The following MYO1E variants were observed in gnomAD, a reference collection of about 807,000 sequenced individuals.
The protein encoded by MYO1E is unconventional myosin-Ie.
MYO1E carries 68 observed loss-of-function variants against 151.1 expected under a neutral mutation model. The ratio of observed to expected loss-of-function variants is 0.45; its 90% CI spans 0.37 to 0.55. MYO1E has a LOEUF of 0.55. Ranked by LOEUF, MYO1E falls within the 20% of genes least tolerant of loss-of-function variation. MYO1E has a pLI of 0.00. For missense variants in MYO1E, 1,363 were observed against 1,389.3 expected (o/e 0.98, Z 0.30); for synonymous variants, 601 against 501.7 (o/e 1.20, Z -2.64).
chr15:59,144,856 G>GT (rs1181792923), intron 26 of MYO1E, among the ~76,000 whole-genome samples: 1 of 151,806 alleles, frequency 6.6e-6, no homozygotes, highest in Non-Finnish European at 1.5e-5. Flanking sequence ...TTTTTGTTTT[G>GT]TTTTGAGACG....
intron 26 of MYO1E, among the ~76,000 whole-genome samples, chr15:59,141,186 C>T (rs911887063): frequency 6.6e-6 from 1 of 152,096 alleles, no homozygotes; most frequent in Non-Finnish European, 1.5e-5. Flanking sequence ...AGGGAGGAAG[C>T]CTCCAGCCTG....
At chr15:59,173,125 G>T (rs1418928719) in intron 21 of MYO1E, among the ~76,000 whole-genome samples, 1 of 152,220 alleles carries the variant, frequency 6.6e-6, no homozygotes, top group East Asian at 1.9e-4. Flanking sequence ...GGCTGGAAAA[G>T]CCTTACTTAT....
intron 1 of MYO1E, among the ~76,000 whole-genome samples, chr15:59,354,647 TC>T (rs2080843867): frequency 6.6e-6 from 1 of 152,114 alleles, no homozygotes; most frequent in Admixed American, 6.5e-5. Flanking sequence ...TTGCAATGGC[TC>T]TTTGTTCGGA....
At chr15:59,194,102 A>G (rs2079750934) in intron 17 of MYO1E, among the ~76,000 whole-genome samples, 2 of 151,984 alleles carry the variant, frequency 1.3e-5, no homozygotes, top group African/African-American at 4.8e-5. Context: ...GGAAACCGGG[A>G]GGCAGAGGTT....
chr15:59,265,653 TA>T (rs1566996213), intron 2 of MYO1E, among the ~76,000 whole-genome samples: 2 of 152,056 alleles, frequency 1.3e-5, no homozygotes, highest in South Asian at 2.1e-4. Flanking sequence ...GGAAGACACC[TA>T]AAAAATAAAG....
intron 1 of MYO1E, among the ~76,000 whole-genome samples, chr15:59,288,165 A>G (rs775350351): frequency 7.9e-5 from 12 of 152,114 alleles, no homozygotes; most frequent in Non-Finnish European, 1.5e-4. Flanking sequence ...TACTTTTTTT[A>G]AATTAATCTT....
intron 14 of MYO1E, chr15:59,207,952 C>G: frequency 6.2e-7 from 1 of 1,613,970 alleles, no homozygotes; most frequent in South Asian, 1.1e-5. Flanking sequence ...AGAAGTATTC[C>G]TCAGTATTCC....
chr15:59,365,494 A>G (rs2080907891), intron 1 of MYO1E, among the ~76,000 whole-genome samples: 1 of 152,164 alleles, frequency 6.6e-6, no homozygotes, highest in Non-Finnish European at 1.5e-5. Context: ...ATAAGGTTAG[A>G]TCTGCACTGG....
At chr15:59,341,485 T>C (rs1253828712) in intron 1 of MYO1E, 2 of 152,192 alleles carry the variant, frequency 1.3e-5, no homozygotes, top group Non-Finnish European at 2.9e-5. Context: ...CCATAACCCC[T>C]GTCTCCCCAG....
chr15:59,191,332 C>CAGAGAGAG (rs34694267), intron 17 of MYO1E, among the ~76,000 whole-genome samples: 1,439 of 105,690 alleles, frequency 0.014, 43 homozygotes, highest in African/African-American at 0.045. Context: ...CAGACAGAGA[C>CAGAGAGAG]AGAGAGAGAG....
chr15:59,141,163 A>C (rs1295746030), intron 26 of MYO1E, among the ~76,000 whole-genome samples: 1 of 152,150 alleles, frequency 6.6e-6, no homozygotes, highest in Admixed American at 6.5e-5. Context: ...GGCGGGCATT[A>C]CAACACCCTG....
At chr15:59,221,826 G>T (rs905718349) in intron 9 of MYO1E, among the ~76,000 whole-genome samples, 7 of 152,082 alleles carry the variant, frequency 4.6e-5, no homozygotes, top group Non-Finnish European at 7.4e-5. Flanking sequence ...GCATAAAGAG[G>T]CAGTAAATTA....
rs2080777492 is a variant in MYO1E, at chr15:59,343,562, GTTATC to G, written c.3+28931_3+28935del. ...AACTTTGATATCTTTTGTTTGGGAAGTTATCTTATTATCCCTTTGAATAAACTTTC... is the reference window on the plus strand; with the variant it reads ...AACTTTGATATCTTTTGTTTGGGAAGTTATTATCCCTTTGAATAAACTTTC... On this transcript the variant is annotated intron_variant, in intron 1 of 27. Coordinates refer to ENST00000288235, the MANE Select transcript of MYO1E (RefSeq NM_004998.4). Among the ~76,000 whole-genome samples the G allele has an allele frequency of 2.0e-5, 3 of 152,138 alleles. No individual in the cohort carries two copies. In the East Asian group the frequency reaches 5.8e-4, roughly 29 times the overall value.
At chr15:59,223,907 T>C (rs754362205) in intron 8 of MYO1E, among the ~76,000 whole-genome samples, 1 of 152,242 alleles carries the variant, frequency 6.6e-6, no homozygotes, top group Non-Finnish European at 1.5e-5. Flanking sequence ...GACCTGTTGA[T>C]ACCATTTTGT....
At chr15:59,231,256 C>T (rs1316220330) in intron 6 of MYO1E, among the ~76,000 whole-genome samples, 5 of 152,188 alleles carry the variant, frequency 3.3e-5, no homozygotes, top group Admixed American at 6.5e-5. Flanking sequence ...AGTTTCTCTC[C>T]AAGGTGCCAG....
intron 12 of MYO1E, among the ~76,000 whole-genome samples, chr15:59,212,973 G>A (rs1404411904): frequency 6.6e-6 from 1 of 151,892 alleles, no homozygotes; most frequent in East Asian, 1.9e-4. Flanking sequence ...GGAGGAGTGT[G>A]GCCCTGAGGA....
intron 1 of MYO1E, among the ~76,000 whole-genome samples, chr15:59,286,262 T>C (rs148335716): frequency 1.3e-5 from 2 of 152,374 alleles, no homozygotes; most frequent in South Asian, 2.1e-4. Flanking sequence ...ATACGCATTA[T>C]TTATAAGTCA....
intron 1 of MYO1E, among the ~76,000 whole-genome samples, chr15:59,305,923 C>T (rs1349079141): frequency 6.6e-6 from 1 of 152,042 alleles, no homozygotes; most frequent in East Asian, 1.9e-4. Context: ...AAGGCCATAC[C>T]CTAAGGATGG....
At chr15:59,268,720 A>ATTTTTTTTTTTTTTGTTTTT (rs2080271783) in intron 2 of MYO1E, among the ~76,000 whole-genome samples, 1 of 44,906 alleles carries the variant, frequency 2.2e-5, no homozygotes, top group African/African-American at 5.8e-5. Flanking sequence ...TGACTTTGGT[A>ATTTTTTTTTTTTTTGTTTTT]TTTTTTTTTT....
Sources: gnomAD v4.1 joint callset for allele counts (sites outside exome capture counted in the v4.1 genomes callset) on GRCh38, gnomAD v4.1.1 for gene constraint, MANE v1.5 for transcripts, NCBI Gene and HGNC (gene_info 2026-07-23, HGNC 2026-07-21) for gene names.